Variants in MOGAT1 observed in about 807,000 individuals in gnomAD.
MOGAT1 encodes the protein 2-acylglycerol O-acyltransferase 1.
A neutral mutation model predicts 31.4 loss-of-function variants in MOGAT1; 32 were observed. The ratio of observed to expected loss-of-function variants is 1.02; its 90% confidence interval spans 0.77 to 1.37. The LOEUF (loss-of-function observed/expected upper bound fraction) is 1.37. MOGAT1 is among the 40% of genes most tolerant of loss of function. The pLI is 0.00. For synonymous variants in MOGAT1, 145 were observed against 144.5 expected (o/e 1.00, Z -0.03); for missense variants, 426 against 402.0 (o/e 1.06, Z -0.51).
At chr2:222,691,715 C>T (rs1692765744) in intron 3 of MOGAT1, among the ~76,000 whole-genome samples, 1 of 152,234 alleles carries the variant, frequency 6.6e-6, no homozygotes. Flanking sequence ...CCTGCCCAAG[C>T]GGCTGCCTCT....
At chr2:222,678,914 A>G (rs7579011) in intron 1 of MOGAT1, among the ~76,000 whole-genome samples, 116,991 of 152,092 alleles carry the variant, frequency 0.77, 45,560 homozygotes, top group Middle Eastern at 0.9. Context: ...GCACTCCAGC[A>G]CCTGGGTGAC....
In MOGAT1 at chr2:222,695,161, A is replaced by C; in HGVS notation, c.726A>C (p.Ser242=). The change falls in exon 5 of 6, where the codon TCA becomes TCC. Residue 242 remains serine, a synonymous_variant. Transcript: ENST00000446656. ...LFKQTDNPEG[S]WIRTVQNKLQ... ...AACAAACTGACAACCCTGAAGGATC[A>C]TGGATTAGAACTGTTCAGAATAAAC... is the stretch of plus-strand genomic sequence containing the variant. The C allele has an allele frequency of 6.2e-7, 1 of 1,613,460 alleles. No individual in the cohort carries two copies. Among genetic ancestry groups the C allele is most frequent in the East Asian group, 2.2e-5 (1 of 44,850 alleles).
chr2:222,678,108 G>T (rs185971932), intron 1 of MOGAT1: 10 of 198,082 alleles, frequency 5.0e-5, no homozygotes, highest in Admixed American at 4.9e-4. Context: ...TAGCCAGCCT[G>T]CTGTGTTATC....
intron 5 of MOGAT1, among the ~76,000 whole-genome samples, chr2:222,706,642 G>A (rs1402947504): frequency 1.3e-5 from 2 of 152,172 alleles, no homozygotes; most frequent in Admixed American, 1.3e-4. Flanking sequence ...ACTAGCTAAA[G>A]TAAGCAGAGA....
intron 1 of MOGAT1, among the ~76,000 whole-genome samples, chr2:222,683,729 A>G (rs1178111053): frequency 6.6e-6 from 1 of 152,150 alleles, no homozygotes; most frequent in African/African-American, 2.4e-5. Context: ...TCCGTTTCAA[A>G]AAAAAAAGTG....
At chr2:222,699,002 C>CTTTTTT (rs10587188) in intron 5 of MOGAT1, 1 of 118,048 alleles carries the variant, frequency 8.5e-6, no homozygotes, top group Non-Finnish European at 1.7e-5. Context: ...CTTTCACTGT[C>CTTTTTT]TTTTTTTTTT....
chr2:222,697,031 C>A (rs1388642159), intron 5 of MOGAT1, among the ~76,000 whole-genome samples: 1 of 152,024 alleles, frequency 6.6e-6, no homozygotes, highest in Non-Finnish European at 1.5e-5. Flanking sequence ...CAGATCAAGA[C>A]CCTATCTCAG....
At chr2:222,708,145 G>T (rs745953345) in intron 5 of MOGAT1, among the ~76,000 whole-genome samples, 1 of 152,124 alleles carries the variant, frequency 6.6e-6, no homozygotes, top group Non-Finnish European at 1.5e-5. Flanking sequence ...GTGCAGTGGC[G>T]CAATCCGGTC....
At chr2:222,680,239 T>G (rs776945677) in intron 1 of MOGAT1, among the ~76,000 whole-genome samples, 1 of 152,266 alleles carries the variant, frequency 6.6e-6, no homozygotes, top group African/African-American at 2.4e-5. Context: ...TCTCTTTTAT[T>G]ATGGATTATC....
At chr2:222,677,973 G>T in intron 1 of MOGAT1, 1 of 251,842 alleles carries the variant, frequency 4.0e-6, no homozygotes, top group South Asian at 6.2e-5. Context: ...GAAATGTATA[G>T]ATTTTTTCCA....
At chr2:222,704,080 A>G (rs956675761) in intron 5 of MOGAT1, among the ~76,000 whole-genome samples, 1 of 152,226 alleles carries the variant, frequency 6.6e-6, no homozygotes, top group African/African-American at 2.4e-5. Context: ...GCAGTGAAAC[A>G]TAAACAAAAG....
chr2:222,681,296 C>T (rs748708005), intron 1 of MOGAT1, among the ~76,000 whole-genome samples: 15 of 152,216 alleles, frequency 9.9e-5, no homozygotes, highest in Non-Finnish European at 1.6e-4. Context: ...ACTTGTGCTT[C>T]TTTCTGACGG....
chr2:222,704,545 A>G (rs903005800), intron 5 of MOGAT1, among the ~76,000 whole-genome samples: 9 of 151,758 alleles, frequency 5.9e-5, no homozygotes, highest in African/African-American at 2.2e-4. Context: ...AGTGGCGTGA[A>G]CCCGGGAGGC....
intron 1 of MOGAT1, among the ~76,000 whole-genome samples, chr2:222,686,868 T>A (rs995508367): frequency 6.6e-6 from 1 of 152,016 alleles, no homozygotes; most frequent in African/African-American, 2.4e-5. Flanking sequence ...ATCCCAACAC[T>A]TTGGGAGGCT....
intron 1 of MOGAT1, among the ~76,000 whole-genome samples, chr2:222,675,194 T>C (rs1282572820): frequency 6.6e-6 from 1 of 152,252 alleles, no homozygotes; most frequent in Non-Finnish European, 1.5e-5. Flanking sequence ...TTGTATTTCT[T>C]TTAAAAGATG....
rs971830359 is a variant in MOGAT1, at chr2:222,671,783, G to C, written c.-3G>C. On this transcript the variant is annotated 5_prime_UTR_variant, in exon 1 of 6. Coordinates refer to ENST00000446656, the MANE Select transcript of MOGAT1 (RefSeq NM_058165.3). The stretch of plus-strand genomic sequence containing the variant: ...GCTGGCGCCGTCCTCGCCCGGCCAG[G>C]CCATGAAGGTAGAGTTTGCACCGCT... 1.3e-6 allele frequency: 2 copies of C among 1,550,940 alleles called. No homozygotes were observed. Among genetic ancestry groups the C allele is most frequent in the Admixed American group, 3.9e-5 (2 of 51,024 alleles).
chr2:222,703,776 A>G (rs1252190368), intron 5 of MOGAT1, among the ~76,000 whole-genome samples: 1 of 152,192 alleles, frequency 6.6e-6, no homozygotes, highest in African/African-American at 2.4e-5. Context: ...GCATGAGACT[A>G]TTAGAACAAT....
chr2:222,697,647 A>G (rs1692856014), intron 5 of MOGAT1, among the ~76,000 whole-genome samples: 1 of 137,402 alleles, frequency 7.3e-6, no homozygotes, highest in South Asian at 2.2e-4. Flanking sequence ...CAATGGCATG[A>G]TCTGCAACCT....
At position 222,674,157 on chromosome 2, in the gene MOGAT1, G is replaced by A. The variant is rs184121598; in HGVS notation, c.94+2278G>A. 5.9e-5 allele frequency among the ~76,000 whole-genome samples: 9 copies of A among 152,338 alleles called. No individual in the cohort carries two copies. In the East Asian group the frequency reaches 1.3e-3, roughly 23 times the overall value. On this transcript the variant is annotated intron_variant, in intron 1 of 5. Transcript: ENST00000446656. ...GACCGCATGTGAGTGGATTAGTGAC[G>A]AGGACATGGCAGATGCTCAATGACC...
Sources: gnomAD v4.1 joint callset for allele counts (sites outside exome capture counted in the v4.1 genomes callset) on GRCh38, gnomAD v4.1.1 for gene constraint, MANE v1.5 for transcripts, NCBI Gene and HGNC (gene_info 2026-07-23, HGNC 2026-07-21) for gene names.